Variants in HELZ observed in about 807,000 individuals in gnomAD.
The protein encoded by HELZ is helicase with zinc finger.
Under a neutral mutation model 218.2 loss-of-function variants are expected in HELZ, and 23 were observed. That is an observed-to-expected ratio of 0.11 (90% CI 0.08 to 0.15). HELZ has a LOEUF of 0.15. Among genes scored for constraint, HELZ ranks in the 10% least tolerant of loss-of-function variants. The pLI is 1.00. For synonymous variants in HELZ, 814 were observed against 829.4 expected, an observed-to-expected ratio of 0.98 and a Z score of 0.32; for missense variants, 1,813 against 2,353.7, an observed-to-expected ratio of 0.77 and a Z score of 4.75.
intron 31 of HELZ, among the ~76,000 whole-genome samples, chr17:67,098,124 G>A (rs567048019): frequency 6.6e-5 from 10 of 152,114 alleles, no homozygotes; most frequent in Admixed American, 2.6e-4. Flanking sequence ...ACATAATTTT[G>A]CTTTTCCCCC....
At chr17:67,152,457 G>A (rs576164279) in intron 17 of HELZ, among the ~76,000 whole-genome samples, 1 of 152,274 alleles carries the variant, frequency 6.6e-6, no homozygotes, top group African/African-American at 2.4e-5. Flanking sequence ...TAGGCATTTC[G>A]AGAGTAACGC....
At position 67,201,123 on chromosome 17, in the gene HELZ, C is replaced by A. The variant is rs376891444; in HGVS notation, c.429+6G>T. 6.3e-7 allele frequency: 1 copy of A among 1,587,808 alleles called. No homozygotes were observed. The highest frequency in any genetic ancestry group is 8.7e-7 in the Non-Finnish European group (1 of 1,156,014). ...CTTCCAAACGGATCCACTGAAATGGCCTTACCTCTGTTTCTGAGAGAAGTG... is the reference window on the plus strand; with the variant it reads ...CTTCCAAACGGATCCACTGAAATGGACTTACCTCTGTTTCTGAGAGAAGTG... On this transcript the variant is annotated splice_donor_region_variant and intron_variant, in intron 7 of 32. Coordinates refer to ENST00000358691, the MANE Select transcript of HELZ (RefSeq NM_014877.4).
intron 27 of HELZ, among the ~76,000 whole-genome samples, chr17:67,117,018 G>A (rs930977164): frequency 8.6e-5 from 13 of 151,932 alleles, no homozygotes; most frequent in African/African-American, 1.7e-4. Flanking sequence ...CACCACACCC[G>A]GCTAATCTTG....
chr17:67,109,650 C>G lies in HELZ; in HGVS notation c.3955G>C (p.Glu1319Gln), dbSNP rs2037219429. 6.2e-7 allele frequency: 1 copy of G among 1,613,792 alleles called. No homozygotes were observed. Among genetic ancestry groups the G allele is most frequent in the African/African-American group, 1.3e-5 (1 of 74,882 alleles). Reference sequence around the variant, plus strand: ...GGATAAACAACACTAGGACGTGATTCAGGACTTCTGTTCTGTGGATTTGAT... The same window carrying G: ...GGATAAACAACACTAGGACGTGATTGAGGACTTCTGTTCTGTGGATTTGAT... ...LESNPQNRSP[E>Q]SRPSVVYPST... The change falls in exon 29 of 33, where the codon GAA becomes CAA. Residue 1319 changes from glutamate (E) to glutamine (Q), a missense_variant. Around this residue, in one of 4 missense-constraint regions of HELZ, gnomAD observed 938 missense variants for 1,027.5 expected, o/e 0.91. Transcript: ENST00000358691.
At chr17:67,143,873 T>C (rs905719578) in intron 21 of HELZ, among the ~76,000 whole-genome samples, 3 of 152,210 alleles carry the variant, frequency 2.0e-5, no homozygotes, top group Admixed American at 2.0e-4. Context: ...ACACAGCACA[T>C]ATGCTATGAG....
Position 67,193,983 on chromosome 17 carries a change from A to G in HELZ, c.541T>C (p.Tyr181His). 6.2e-7 allele frequency: 1 copy of G among 1,613,666 alleles called. No homozygotes were observed. The highest frequency in any genetic ancestry group is 8.5e-7 in the Non-Finnish European group (1 of 1,179,818). Residue 181 changes from tyrosine (Y) to histidine (H), a missense_variant, in exon 9 of 33, where the codon TAT becomes CAT. This residue lies in a region of HELZ where 714 missense variants were observed against 1,029.2 expected (regional missense o/e 0.69). Coordinates refer to ENST00000358691, the MANE Select transcript of HELZ (RefSeq NM_014877.4). The part of the protein sequence containing the change: ...PPRGITSSEE[Y>H]TLCKRFLEQG... ...TCACATTACCTTTTACACAAAGTAT[A>G]TTCCTCGCTGCTTGTGATTCCCCTA...
intron 15 of HELZ, among the ~76,000 whole-genome samples, chr17:67,163,390 A>G (rs1180362848): frequency 1.9e-5 from 2 of 105,434 alleles, no homozygotes; most frequent in Non-Finnish European, 3.8e-5. Context: ...ATTCTTAGAG[A>G]CCCAACTTAG....
chr17:67,112,385 G>A (rs1478696467), intron 28 of HELZ, among the ~76,000 whole-genome samples: 7 of 152,168 alleles, frequency 4.6e-5, no homozygotes, highest in Admixed American at 2.0e-4. Flanking sequence ...GATTGGTTTC[G>A]TCCCAAGCTG....
At chr17:67,095,284 A>G (rs1011378255) in intron 31 of HELZ, among the ~76,000 whole-genome samples, 23 of 152,250 alleles carry the variant, frequency 1.5e-4, no homozygotes, top group African/African-American at 5.5e-4. Context: ...TGTAATCCCA[A>G]AACTTTGGGA....
At chr17:67,171,525 T>A (rs1166343921) in intron 13 of HELZ, among the ~76,000 whole-genome samples, 1 of 152,156 alleles carries the variant, frequency 6.6e-6, no homozygotes, top group Non-Finnish European at 1.5e-5. Flanking sequence ...TTAGTTCCCC[T>A]CCTTCCTAAT....
intron 2 of HELZ, among the ~76,000 whole-genome samples, chr17:67,242,998 T>TA (rs943698232): frequency 4.0e-5 from 6 of 151,250 alleles, no homozygotes; most frequent in East Asian, 1.9e-4. Context: ...ATTATTTTTC[T>TA]AAAAAAAAAC....
chr17:67,159,559 T>G (rs1208269291), intron 17 of HELZ, among the ~76,000 whole-genome samples: 1 of 152,202 alleles, frequency 6.6e-6, no homozygotes, highest in Non-Finnish European at 1.5e-5. Flanking sequence ...ATGGCAAAAC[T>G]AAACATTAAT....
At position 67,071,933 on chromosome 17, in the gene HELZ, CAG is replaced by C. The variant is rs2035895327; in HGVS notation, c.*6317_*6318del. ...CTCTCTCTAACACCTGCTGGCATGG[CAG>C]AGAATCTAAAATAACTTTGTTAACC... On this transcript the variant is annotated 3_prime_UTR_variant, in exon 33 of 33. Transcript: ENST00000358691. The C allele has an allele frequency of 6.6e-6, 1 of 152,276 alleles. No homozygotes were observed. The highest frequency in any genetic ancestry group is 6.6e-5 in the Admixed American group (1 of 15,254). The allele number at this position is 152,276 out of a possible 1,614,324, so 9.4% of individuals were successfully genotyped here.
intron 9 of HELZ, among the ~76,000 whole-genome samples, chr17:67,192,641 CAACAT>C (rs1199836635): frequency 1.3e-5 from 2 of 152,126 alleles, no homozygotes; most frequent in Non-Finnish European, 2.9e-5. Context: ...GTCTCTTCTA[CAACAT>C]AACACCACTA....
chr17:67,228,587 G>A (rs1029505203), intron 3 of HELZ, among the ~76,000 whole-genome samples: 2 of 151,674 alleles, frequency 1.3e-5, no homozygotes, highest in African/African-American at 2.4e-5. Context: ...GCTTGAACCC[G>A]GGAGGCAGAG....
At chr17:67,227,467 G>A (rs191810032) in intron 3 of HELZ, among the ~76,000 whole-genome samples, 44 of 152,222 alleles carry the variant, frequency 2.9e-4, no homozygotes, top group Admixed American at 2.3e-3. Context: ...GATTACAGGT[G>A]TGAGCCACCA....
At chr17:67,123,487 T>A (rs1000363901) in intron 25 of HELZ, among the ~76,000 whole-genome samples, 2 of 152,178 alleles carry the variant, frequency 1.3e-5, no homozygotes, top group Non-Finnish European at 2.9e-5. Flanking sequence ...TAAAAAATTA[T>A]ACAACTCTTC....
rs942915392 is a variant in HELZ, at chr17:67,076,306, A to C, written c.*1946T>G. ...CTTAAAAGCACATAGCTACGTGGCAAAACTTTTTCTTCTTTTCTTCCTACT... is the reference window on the plus strand; with the variant it reads ...CTTAAAAGCACATAGCTACGTGGCACAACTTTTTCTTCTTTTCTTCCTACT... On this transcript the variant is annotated 3_prime_UTR_variant, in exon 33 of 33. Coordinates refer to ENST00000358691, the MANE Select transcript of HELZ (RefSeq NM_014877.4). The C allele has an allele frequency of 9.9e-5, 15 of 152,202 alleles. No homozygotes were observed. Among genetic ancestry groups the C allele is most frequent in the African/African-American group, 3.6e-4 (15 of 41,444 alleles). The allele number at this position is 152,202 out of a possible 1,614,324, so 9.4% of individuals were successfully genotyped here. A position where few individuals can be genotyped will look rare whatever the true frequency, so the allele number is the denominator to read the frequency against.
chr17:67,221,034 A>G (rs16960718), intron 3 of HELZ, among the ~76,000 whole-genome samples: 29,835 of 152,024 alleles, frequency 0.2, 3,043 homozygotes, highest in African/African-American at 0.26. Flanking sequence ...GGGTGAAATC[A>G]ATTGTTCAAT....
Sources: allele counts gnomAD v4.1 joint callset (sites outside exome capture counted in the v4.1 genomes callset), GRCh38; gene constraint gnomAD v4.1.1; regional missense constraint gnomAD v4.1.1; transcripts MANE v1.5; gene names NCBI Gene and HGNC (gene_info 2026-07-23, HGNC 2026-07-21).